The following ACOT11 variants were observed in gnomAD, a reference collection of about 807,000 sequenced individuals.
ACOT11 encodes acyl-coenzyme A thioesterase 11.
In ACOT11, 69 loss-of-function variants were observed where a neutral mutation model predicts 77.5. That is an observed-to-expected ratio of 0.89 (90% confidence interval 0.73 to 1.09). The LOEUF (loss-of-function observed/expected upper bound fraction) is 1.09. ACOT11 is among the 50% of genes least tolerant of loss of function. The pLI, the probability that ACOT11 is intolerant of heterozygous loss-of-function variation, is 0.00. For missense variants in ACOT11, 766 were observed against 813.7 expected (o/e 0.94, Z 0.71); for synonymous variants, 279 against 313.0 (o/e 0.89, Z 1.15).
At chr1:54,572,802 T>C (rs1345117994) in intron 1 of ACOT11, among the ~76,000 whole-genome samples, 1 of 152,180 alleles carries the variant, frequency 6.6e-6, no homozygotes, top group African/African-American at 2.4e-5. Context: ...GAGTGAGCCC[T>C]CTGCTTCTGG....
At chr1:54,636,883 T>C (rs938699151) in exon 17 of ACOT11, 1 of 158,812 alleles carries the variant, frequency 6.3e-6, no homozygotes, top group Non-Finnish European at 1.4e-5. Flanking sequence ...CTTCAAGCAT[T>C]TGTTTAACAA....
intron 1 of ACOT11, among the ~76,000 whole-genome samples, chr1:54,582,962 C>T (rs74439105): frequency 0.044 from 6,682 of 151,956 alleles, 270 homozygotes; most frequent in East Asian, 0.17. Context: ...AGAGTGTGGA[C>T]GAATGGAGTC....
intron 13 of ACOT11, among the ~76,000 whole-genome samples, chr1:54,606,641 G>A (rs1048317469): frequency 9.2e-5 from 14 of 152,200 alleles, no homozygotes; most frequent in Non-Finnish European, 1.8e-4. Flanking sequence ...TACTAAAAGC[G>A]TCTACAGCAT....
intron 15 of ACOT11, chr1:54,630,629 C>G: frequency 1.9e-6 from 1 of 530,998 alleles, no homozygotes; most frequent in Non-Finnish European, 3.4e-6. Flanking sequence ...TTAATAAATA[C>G]GTGGATAAAT....
At position 54,629,288 on chromosome 1, in the gene ACOT11, T is replaced by C. The variant is rs1326654035; in HGVS notation, c.1630-1446T>C. Among the ~76,000 whole-genome samples, 3 of 132,136 alleles carry C rather than the reference T, an allele frequency of 2.3e-5. 1 individual carries two copies. The highest frequency in any genetic ancestry group is 7.7e-5 in the African/African-American group (3 of 39,066). 86.7% of individuals were successfully genotyped at this position (132,136 alleles called of 152,430 possible). Reference sequence around the variant, plus strand: ...AAGTAAAATAACATGGTTTTTTTCTTTTTTGTTTTTTGTTTTGAGATAGAG... The same window carrying C: ...AAGTAAAATAACATGGTTTTTTTCTCTTTTGTTTTTTGTTTTGAGATAGAG... On this transcript the variant is annotated intron_variant, in intron 15 of 16. Coordinates refer to the ACOT11 transcript ENST00000371316.
At position 54,591,657 on chromosome 1, in the gene ACOT11, C is replaced by G. The variant is rs183384703; in HGVS notation, c.312-889C>G. ...CCCCACAGTCCATCAGCTGGGCACC[C>G]TCTGCCCCCTCCATTAGGCACAGCC... is the stretch of plus-strand genomic sequence containing the variant. On this transcript the variant is annotated intron_variant, in intron 3 of 15. Coordinates refer to ENST00000343744, the MANE Select transcript of ACOT11 (RefSeq NM_147161.4). 1.7e-3 allele frequency among the ~76,000 whole-genome samples: 259 copies of G among 152,360 alleles called. 1 individual carries two copies. The highest frequency in any genetic ancestry group is 0.015 in the East Asian group (79 of 5,182).
chr1:54,614,585 G>A (rs1179798541), downstream of ACOT11: 1 of 1,072,164 alleles, frequency 9.3e-7, no homozygotes, highest in East Asian at 2.6e-5. Flanking sequence ...TCAGAGGTGA[G>A]GCTATATATA....
At chr1:54,588,773 G>A (rs1265277158) in intron 3 of ACOT11, among the ~76,000 whole-genome samples, 2 of 152,066 alleles carry the variant, frequency 1.3e-5, no homozygotes, top group Admixed American at 1.3e-4. Context: ...ATGCATGATG[G>A]CTGGACCTGC....
intron 7 of ACOT11, among the ~76,000 whole-genome samples, chr1:54,599,019 A>G (rs535152881): frequency 1.0e-4 from 14 of 135,468 alleles, no homozygotes; most frequent in African/African-American, 3.9e-4. Context: ...GGTGGCGGAC[A>G]CCTGTAATCC....
chr1:54,612,774 T>C (rs947826783), downstream of ACOT11: 1 of 1,272,566 alleles, frequency 7.9e-7, no homozygotes, highest in Non-Finnish European at 1.1e-6. Context: ...TCCTCTGGGG[T>C]CTCATCACAG....
Position 54,609,184 on chromosome 1 carries a change from A to G in ACOT11, c.*72A>G. On this transcript the variant is annotated 3_prime_UTR_variant, in exon 16 of 16. Coordinates refer to ENST00000343744, the MANE Select transcript of ACOT11 (RefSeq NM_147161.4). ...CCAAGGACTCACATACAGTGCCTGG[A>G]GAAAGCCAAAGACCTTTATTTCTTC... is the stretch of plus-strand genomic sequence containing the variant. 1.2e-6 allele frequency: 2 copies of G among 1,602,926 alleles called. No individual in the cohort carries two copies. Among genetic ancestry groups the G allele is most frequent in the Non-Finnish European group, 1.7e-6 (2 of 1,174,136 alleles).
chr1:54,614,502 A>G (rs1218600307), downstream of ACOT11, among the ~76,000 whole-genome samples: 1 of 152,126 alleles, frequency 6.6e-6, no homozygotes, highest in Non-Finnish European at 1.5e-5. Context: ...TCTAGGAGAT[A>G]ATGACTGGCC....
At chr1:54,588,619 G>A (rs920803725) in intron 3 of ACOT11, among the ~76,000 whole-genome samples, 3 of 152,202 alleles carry the variant, frequency 2.0e-5, no homozygotes, top group Non-Finnish European at 4.4e-5. Flanking sequence ...CCTGGAGGAC[G>A]CATTTGAGCT....
chr1:54,623,311 C>G, intron 15 of ACOT11: 3 of 1,614,008 alleles, frequency 1.9e-6, no homozygotes, highest in Middle Eastern at 1.7e-4. Context: ...AGGACTATTG[C>G]GGCAATGACC....
intron 15 of ACOT11, among the ~76,000 whole-genome samples, chr1:54,619,310 T>C (rs956995790): frequency 3.3e-5 from 5 of 152,198 alleles, no homozygotes; most frequent in African/African-American, 1.2e-4. Flanking sequence ...CGTCACGCAG[T>C]GGCTTGGAGC....
At chr1:54,602,775 C>T (rs1030710758) in intron 10 of ACOT11, 51 bp downstream of exon 10, 10 of 1,467,578 alleles carry the variant, frequency 6.8e-6, no homozygotes, top group Non-Finnish European at 9.0e-6. Flanking sequence ...GCTGTTCACG[C>T]TCCGCTGACC....
At chr1:54,625,230 C>T (rs942516217) in intron 15 of ACOT11, among the ~76,000 whole-genome samples, 3 of 89,308 alleles carry the variant, frequency 3.4e-5, no homozygotes, top group African/African-American at 9.4e-5. Context: ...TCTGTCTGGG[C>T]TTCTGGCTCA....
chr1:54,620,844 T>G (rs1569802447), intron 15 of ACOT11, among the ~76,000 whole-genome samples: 1 of 18,024 alleles, frequency 5.5e-5, no homozygotes, highest in Admixed American at 8.7e-4. Flanking sequence ...AGAGACTCTG[T>G]CAAAAAAAAA....
At chr1:54,583,763 G>A (rs1269014310) in intron 1 of ACOT11, among the ~76,000 whole-genome samples, 2 of 152,198 alleles carry the variant, frequency 1.3e-5, no homozygotes, top group Non-Finnish European at 2.9e-5. Context: ...CATTAGTGGC[G>A]ACTGTCATCA....
Sources: allele counts gnomAD v4.1 joint callset (sites outside exome capture counted in the v4.1 genomes callset), GRCh38; gene constraint gnomAD v4.1.1; transcripts MANE v1.5; gene names NCBI Gene and HGNC (gene_info 2026-07-23, HGNC 2026-07-21).